The following COX14 variants were observed in gnomAD, a reference collection of about 807,000 sequenced individuals.
COX14 encodes cytochrome c oxidase assembly factor COX14.
COX14 carries 3 observed loss-of-function variants against 5.8 expected under a neutral mutation model. The observed-to-expected ratio is 0.51, with a 90% CI of 0.23 to 1.33. The LOEUF (loss-of-function observed/expected upper bound fraction) is 1.33, where lower values mean the gene tolerates loss of function less well. COX14 is among the 40% of genes most tolerant of loss of function. The probability of loss-of-function intolerance (pLI) is 0.18; values close to 1 mark genes in which losing one functional copy is unlikely to be tolerated. For missense variants in COX14, 72 were observed against 72.1 expected (o/e 1.00, Z 0.01); for synonymous variants, 25 against 26.1 (o/e 0.96, Z 0.13).
intron 1 of COX14, among the ~76,000 whole-genome samples, chr12:50,114,837 C>T (rs956248302): frequency 3.5e-5 from 4 of 114,032 alleles, no homozygotes; most frequent in African/African-American, 1.3e-4. Context: ...GGCTGGAGTA[C>T]AGTGGCTGCA....
intron 1 of COX14, among the ~76,000 whole-genome samples, chr12:50,117,763 T>G (rs1951094292): frequency 8.7e-6 from 1 of 115,510 alleles, no homozygotes; most frequent in South Asian, 2.9e-4. Flanking sequence ...TTTTTTTTTT[T>G]GAGATGGAGT....
chr12:50,113,025 T>G (rs1275494885), intron 1 of COX14: 3 of 150,370 alleles, frequency 2.0e-5, no homozygotes, highest in African/African-American at 7.4e-5. Context: ...AAAAAAGGTT[T>G]TTTTTTTGTT....
In COX14 at chr12:50,119,529, C is replaced by T. The variant is rs75267209; in HGVS notation, c.-8-507C>T. 8.6e-3 allele frequency among the ~76,000 whole-genome samples: 1,309 copies of T among 152,262 alleles called. 8 individuals are homozygous for T. The highest frequency in any genetic ancestry group is 0.016 in the Admixed American group (250 of 15,292). On this transcript the variant is annotated intron_variant, in intron 1 of 1. Transcript: ENST00000550487. ...CAACATACATAGCAAGACCCTGTCTCTACAAAAGTAGAAAAACTGGGCGGT... is the reference window on the plus strand; with the variant it reads ...CAACATACATAGCAAGACCCTGTCTTTACAAAAGTAGAAAAACTGGGCGGT...
intron 1 of COX14, among the ~76,000 whole-genome samples, chr12:50,116,125 C>T (rs913261640): frequency 2.5e-4 from 37 of 149,258 alleles, no homozygotes; most frequent in African/African-American, 9.1e-4. Flanking sequence ...CAGAGTCTTG[C>T]TCTGTCCCCC....
chr12:50,120,191 G>A lies in COX14; in HGVS notation c.148G>A (p.Glu50Lys). Residue 50 changes from glutamate (E) to lysine (K), a missense_variant, in exon 2 of 2, where the codon GAA becomes AAA. Coordinates refer to ENST00000550487, the MANE Select transcript of COX14 (RefSeq NM_032901.4). ...WRRAQRQAAE[E>K]QKTSGIM Reference sequence around the variant, plus strand: ...CAGGGCCCAGCGCCAGGCCGCAGAAGAACAGAAGACCTCAGGAATCATGTA... The same window carrying A: ...CAGGGCCCAGCGCCAGGCCGCAGAAAAACAGAAGACCTCAGGAATCATGTA... The A allele has an allele frequency of 6.2e-7, 1 of 1,614,136 alleles. No individual in the cohort carries two copies. The highest frequency in any genetic ancestry group is 8.5e-7 in the Non-Finnish European group (1 of 1,180,020).
chr12:50,112,409 T>C, intron 1 of COX14, 108 bp downstream of exon 1: 1 of 985,788 alleles, frequency 1.0e-6, no homozygotes, highest in East Asian at 1.1e-4. Flanking sequence ...TCTGCAGGCC[T>C]GGTGCCCTTG....
intron 1 of COX14, chr12:50,112,536 C>T (rs1592306380): frequency 2.1e-6 from 2 of 937,588 alleles, no homozygotes; most frequent in South Asian, 9.8e-5. Context: ...CCTGTCAAAC[C>T]TCGACTCCTG....
chr12:50,115,621 C>T (rs565863434), intron 1 of COX14, among the ~76,000 whole-genome samples: 550 of 150,846 alleles, frequency 3.6e-3, no homozygotes, highest in Non-Finnish European at 4.4e-3. Context: ...GGCATGATCT[C>T]GGCCCACTGC....
At chr12:50,118,762 G>A (rs951754367) in intron 1 of COX14, among the ~76,000 whole-genome samples, 21 of 152,158 alleles carry the variant, frequency 1.4e-4, no homozygotes, top group African/African-American at 2.9e-4. Flanking sequence ...GTGAGACTCC[G>A]TCTCAAAAAA....
intron 1 of COX14, among the ~76,000 whole-genome samples, chr12:50,119,009 A>G (rs955542811): frequency 2.0e-5 from 3 of 152,216 alleles, no homozygotes; most frequent in African/African-American, 4.8e-5. Flanking sequence ...GAACAGTTAA[A>G]TTAGAAGTAA....
At chr12:50,115,611 G>A (rs1194518412) in intron 1 of COX14, among the ~76,000 whole-genome samples, 1 of 150,706 alleles carries the variant, frequency 6.6e-6, no homozygotes, top group African/African-American at 2.4e-5. Flanking sequence ...GCAGTGTAAT[G>A]GCATGATCTC....
chr12:50,119,475 T>C (rs1400711741), intron 1 of COX14, among the ~76,000 whole-genome samples: 1 of 152,188 alleles, frequency 6.6e-6, no homozygotes, highest in Admixed American at 6.5e-5. Flanking sequence ...GAGGATCACT[T>C]GAGCCCAGGA....
chr12:50,120,257 C>T lies in COX14; in HGVS notation c.*40C>T, dbSNP rs375126857. ...TTCTCCTGAGCAGAGAGGCCCAAGG[C>T]ATGCTGTGGAGAGACTTCACCTGCC... On this transcript the variant is annotated 3_prime_UTR_variant, in exon 2 of 2. Coordinates refer to ENST00000550487, the MANE Select transcript of COX14 (RefSeq NM_032901.4). 1.9e-6 allele frequency: 3 copies of T among 1,564,892 alleles called. No homozygotes were observed. The highest frequency in any genetic ancestry group is 2.2e-5 in the East Asian group (1 of 44,540).
In COX14 at chr12:50,117,189, T is replaced by A. The variant is rs115426934; in HGVS notation, c.-8-2847T>A. ...CATGCGTGGCTAATTTAAAAAAAAA[T>A]TTTTTTTGTGGGGACAGGGTCTCAC... On this transcript the variant is annotated intron_variant, in intron 1 of 1. Coordinates refer to ENST00000550487, the MANE Select transcript of COX14 (RefSeq NM_032901.4). Among the ~76,000 whole-genome samples, 1,519 of 151,948 alleles carry A rather than the reference T, an allele frequency of 1.0e-2. 14 individuals are homozygous for A. The highest frequency in any genetic ancestry group is 0.033 in the African/African-American group (1,375 of 41,444).
chr12:50,115,527 T>G (rs1951073403), intron 1 of COX14, among the ~76,000 whole-genome samples: 1 of 151,400 alleles, frequency 6.6e-6, no homozygotes, highest in Non-Finnish European at 1.5e-5. Context: ...GCATCTTCAT[T>G]TTAACGTGTT....
chr12:50,115,406 G>A (rs1470359874), intron 1 of COX14, among the ~76,000 whole-genome samples: 24 of 151,060 alleles, frequency 1.6e-4, no homozygotes, highest in African/African-American at 5.4e-4. Context: ...TACTAGAGAC[G>A]GGGTTTCACC....
At chr12:50,113,459 ACGC>A (rs1195198258) in intron 1 of COX14, among the ~76,000 whole-genome samples, 2 of 150,652 alleles carry the variant, frequency 1.3e-5, no homozygotes, top group Non-Finnish European at 3.0e-5. Context: ...GCCCGCCACC[ACGC>A]CCGGCTAATT....
At chr12:50,115,428 G>A (rs1348711064) in intron 1 of COX14, among the ~76,000 whole-genome samples, 4 of 149,784 alleles carry the variant, frequency 2.7e-5, no homozygotes, top group Non-Finnish European at 3.0e-5. Context: ...TGTTAGCCAG[G>A]ATGGTCTCGA....
intron 1 of COX14, among the ~76,000 whole-genome samples, chr12:50,113,583 G>T (rs1471705925): frequency 6.6e-6 from 1 of 151,858 alleles, no homozygotes; most frequent in Non-Finnish European, 1.5e-5. Context: ...GATTACAGGC[G>T]TGAGCCACTG....
Sources: allele counts gnomAD v4.1 joint callset (sites outside exome capture counted in the v4.1 genomes callset), GRCh38; gene constraint gnomAD v4.1.1; transcripts MANE v1.5; gene names NCBI Gene and HGNC (gene_info 2026-07-23, HGNC 2026-07-21).